ARHGAP29: variants seen among roughly 807,000 people sequenced by gnomAD.
The protein encoded by ARHGAP29 is Rho GTPase activating protein 29.
Under a neutral mutation model 122.6 loss-of-function variants are expected in ARHGAP29, and 43 were observed. That is an observed-to-expected ratio of 0.35 (90% CI 0.27 to 0.45). ARHGAP29 has a LOEUF of 0.45. ARHGAP29 is among the 20% of genes least tolerant of loss of function. ARHGAP29 has a pLI of 1.00. For missense variants in ARHGAP29, 1,303 were observed against 1,477.2 expected, an observed-to-expected ratio of 0.88 and a Z score of 1.93; for synonymous variants, 506 against 497.1, an observed-to-expected ratio of 1.02 and a Z score of -0.24.
At chr1:94,175,759 C>T (rs1649055402) in intron 22 of ARHGAP29, among the ~76,000 whole-genome samples, 1 of 152,144 alleles carries the variant, frequency 6.6e-6, no homozygotes, top group African/African-American at 2.4e-5. Context: ...GGCTGGAGTG[C>T]AGTGGCATTA....
At chr1:94,279,407 A>G (rs1488743667), upstream of ARHGAP29, among the ~76,000 whole-genome samples, 2 of 152,142 alleles carry the variant, frequency 1.3e-5, no homozygotes, top group East Asian at 1.9e-4. Flanking sequence ...CATCTCCTCT[A>G]TGAGGTTTCT....
intron 1 of ARHGAP29, among the ~76,000 whole-genome samples, chr1:94,251,894 T>C (rs1654112080): frequency 6.6e-6 from 1 of 152,220 alleles, no homozygotes; most frequent in Non-Finnish European, 1.5e-5. Flanking sequence ...TTTATTGGTT[T>C]ATTTACAGAT....
At chr1:94,249,943 T>C (rs992598937) in intron 1 of ARHGAP29, among the ~76,000 whole-genome samples, 1 of 152,078 alleles carries the variant, frequency 6.6e-6, no homozygotes, top group Non-Finnish European at 1.5e-5. Context: ...CTAAGAATTT[T>C]CTGGAGGGAT....
In ARHGAP29 at chr1:94,190,017, G is replaced by A. The variant is rs377195727; in HGVS notation, c.1348C>T (p.Leu450Phe). 1 of 1,613,492 alleles carries A rather than the reference G, an allele frequency of 6.2e-7. No individual in the cohort carries two copies. Among genetic ancestry groups the A allele is most frequent in the Non-Finnish European group, 8.5e-7 (1 of 1,179,608 alleles). The change falls in exon 13 of 23, where the codon CTC (leucine) becomes TTC (phenylalanine). Residue 450 changes from leucine (L) to phenylalanine (F), a missense_variant. By Grantham distance (22) the Leu-to-Phe change is conservative (BLOSUM62 0). Coordinates refer to ENST00000260526, the MANE Select transcript of ARHGAP29 (RefSeq NM_004815.4). ...TCATAGAGTTTGGCACTATCACAGAGAGACTGTAAACTGTCTGCAAGGGAA... is the reference window on the plus strand; with the variant it reads ...TCATAGAGTTTGGCACTATCACAGAAAGACTGTAAACTGTCTGCAAGGGAA... ...AASLADSLQS[L>F]CDSAKLYDPG...
intron 3 of ARHGAP29, among the ~76,000 whole-genome samples, chr1:94,211,568 C>A (rs1651623484): frequency 1.3e-5 from 2 of 151,940 alleles, no homozygotes; most frequent in African/African-American, 4.8e-5. Context: ...CAAATGCACA[C>A]TGAATATCGT....
At chr1:94,189,680 T>C (rs1024855852) in intron 13 of ARHGAP29, among the ~76,000 whole-genome samples, 3 of 152,138 alleles carry the variant, frequency 2.0e-5, no homozygotes, top group Non-Finnish European at 2.9e-5. Context: ...GGCCATCATA[T>C]GCCATTCCCA....
chr1:94,174,886 G>A (rs1648995537), intron 22 of ARHGAP29, 137 bp from the exon 23 acceptor site: 1 of 975,652 alleles, frequency 1.0e-6, no homozygotes, highest in Non-Finnish European at 1.5e-6. Context: ...AGTTACCTAT[G>A]TGGAGGAGTT....
intron 3 of ARHGAP29, among the ~76,000 whole-genome samples, chr1:94,212,631 G>T (rs1267609312): frequency 6.6e-6 from 1 of 151,904 alleles, no homozygotes; most frequent in East Asian, 1.9e-4. Context: ...AAAAATAATT[G>T]TAACAACTGT....
chr1:94,250,931 C>T (rs1654058244), intron 1 of ARHGAP29, among the ~76,000 whole-genome samples: 1 of 151,934 alleles, frequency 6.6e-6, no homozygotes, highest in South Asian at 2.1e-4. Flanking sequence ...TAAGGTAACT[C>T]CCCTAATAAT....
the ARHGAP29 span, chr1:94,302,358 G>C: frequency 3.2e-6 from 1 of 310,526 alleles, no homozygotes; most frequent in South Asian, 2.8e-5. Flanking sequence ...CTCACTTAGA[G>C]GGTGGAGCCA....
upstream of ARHGAP29, among the ~76,000 whole-genome samples, chr1:94,241,798 T>C (rs961650169): frequency 1.2e-4 from 18 of 149,248 alleles, no homozygotes; most frequent in Non-Finnish European, 2.1e-4. Flanking sequence ...TTCCCTGTAG[T>C]AAACAACTAG....
At chr1:94,289,971 GC>G in the ARHGAP29 span, among the ~76,000 whole-genome samples, 4 of 152,156 alleles carry the variant, frequency 2.6e-5, no homozygotes, top group African/African-American at 7.2e-5. Flanking sequence ...TTGTGTCTCT[GC>G]CAGGCTTTGG....
At chr1:94,200,892 A>C (rs770339865) in intron 12 of ARHGAP29, among the ~76,000 whole-genome samples, 1 of 152,206 alleles carries the variant, frequency 6.6e-6, no homozygotes, top group Non-Finnish European at 1.5e-5. Flanking sequence ...AGAGAGTTGG[A>C]CTACAAAATA....
chr1:94,302,443 A>C, the ARHGAP29 span: 3 of 356,272 alleles, frequency 8.4e-6, no homozygotes, highest in African/African-American at 2.2e-5. Flanking sequence ...GAAGTATAAA[A>C]ACCTCAAGAT....
At chr1:94,206,874 AAGG>A (rs1250107159) in intron 5 of ARHGAP29, among the ~76,000 whole-genome samples, 2 of 150,610 alleles carry the variant, frequency 1.3e-5, no homozygotes, top group Non-Finnish European at 3.0e-5. Flanking sequence ...AGCCCAGGTG[AAGG>A]AGTTCTCACT....
intron 19 of ARHGAP29, among the ~76,000 whole-genome samples, chr1:94,183,928 T>G (rs1360025232): frequency 6.6e-6 from 1 of 152,122 alleles, no homozygotes; most frequent in Non-Finnish European, 1.5e-5. Flanking sequence ...TACGGTAATA[T>G]TCTATTTTCT....
the ARHGAP29 span, among the ~76,000 whole-genome samples, chr1:94,306,281 TC>T: frequency 6.6e-6 from 1 of 152,142 alleles, no homozygotes; most frequent in African/African-American, 2.4e-5. Flanking sequence ...CTGCGTTCTT[TC>T]CCCAGGTTGA....
At chr1:94,306,963 T>C in the ARHGAP29 span, among the ~76,000 whole-genome samples, 3 of 152,202 alleles carry the variant, frequency 2.0e-5, no homozygotes, top group African/African-American at 4.8e-5. Context: ...TTCCATTATA[T>C]AAAGATGTTT....
intron 1 of ARHGAP29, among the ~76,000 whole-genome samples, chr1:94,233,309 A>G (rs1488301009): frequency 2.0e-5 from 3 of 152,018 alleles, no homozygotes; most frequent in Middle Eastern, 3.2e-3. Flanking sequence ...ACATTATTGT[A>G]TCATTTACTC....
Sources: gnomAD v4.1 joint callset for allele counts (sites outside exome capture counted in the v4.1 genomes callset) on GRCh38, gnomAD v4.1.1 for gene constraint, MANE v1.5 for transcripts, NCBI Gene and HGNC (gene_info 2026-07-23, HGNC 2026-07-21) for gene names.